Variants in ZAN observed in about 807,000 individuals in gnomAD.
ZAN encodes zonadhesin (gene/pseudogene).
ZAN carries 260 observed loss-of-function variants against 286.2 expected under a neutral mutation model. That is an observed-to-expected ratio of 0.91 (90% confidence interval 0.82 to 1.01). The LOEUF (loss-of-function observed/expected upper bound fraction) is 1.01. Ranked by LOEUF, ZAN falls within the 50% of genes least tolerant of loss-of-function variation. The probability of loss-of-function intolerance (pLI) is 0.00; values close to 1 mark genes in which losing one functional copy is unlikely to be tolerated. For missense variants in ZAN, 3,410 were observed against 3,639.2 expected (o/e 0.94, Z 1.62); for synonymous variants, 1,368 against 1,417.5 (o/e 0.97, Z 0.79).
intron 11 of ZAN, among the ~76,000 whole-genome samples, chr7:100,749,649 A>ATATAT (rs1305913115): frequency 8.0e-6 from 1 of 125,478 alleles, no homozygotes; most frequent in Non-Finnish European, 1.7e-5. Flanking sequence ...CAAAAAAAAA[A>ATATAT]AAATATATAT....
intron 7 of ZAN, among the ~76,000 whole-genome samples, chr7:100,738,879 C>G (rs4729608): frequency 7.1e-5 from 3 of 42,342 alleles, no homozygotes; most frequent in East Asian, 6.6e-4. Context: ...CTTCTTCTCC[C>G]TCTCCCTCTC....
intron 11 of ZAN, among the ~76,000 whole-genome samples, chr7:100,748,875 A>T (rs577886375): frequency 4.0e-4 from 60 of 150,998 alleles, no homozygotes; most frequent in Middle Eastern, 3.4e-3. Flanking sequence ...AGAAAAAAAA[A>T]TTTTTTTTTA....
Position 100,750,037 on chromosome 7 carries a change from C to T in ZAN, c.1250-588C>T, listed in dbSNP as rs190235462. 9.2e-3 allele frequency among the ~76,000 whole-genome samples: 1,094 copies of T among 119,550 alleles called. 18 individuals are homozygous for T. The highest frequency in any genetic ancestry group is 0.033 in the African/African-American group (1,046 of 31,440). 78.4% of individuals were successfully genotyped at this position (119,550 alleles called of 152,430 possible). On this transcript the variant is annotated intron_variant, in intron 11 of 47. Coordinates refer to ENST00000613979, the MANE Select transcript of ZAN (RefSeq NM_003386.3). ...CTGCACTCCAGCCTGGGCAACAGAGCGAGACTCCATCTCAAAAAAACAACA... is the reference window on the plus strand; with the variant it reads ...CTGCACTCCAGCCTGGGCAACAGAGTGAGACTCCATCTCAAAAAAACAACA...
chr7:100,765,448 G>T lies in ZAN; in HGVS notation c.4364G>T (p.Arg1455Leu), dbSNP rs377557641. 4 of 1,613,776 alleles carry T rather than the reference G, an allele frequency of 2.5e-6. No homozygotes were observed. The East Asian group carries it at 8.9e-5, about 36-fold the overall frequency. ...TTCTCCGGCATGTTCTGCTCAGACC[G>T]GTGCGTGGAGGCCTGTGAATGCAAT... ...SGFSGMFCSDRCVEACECNPG... is the reference protein window; with the variant it reads ...SGFSGMFCSDLCVEACECNPG... The change falls in exon 23 of 48, where the codon CGG becomes CTG. Residue 1455 changes from arginine (R) to leucine (L), a missense_variant. This residue lies in a region of ZAN where 1,042 missense variants were observed against 1,058.0 expected (regional missense o/e 0.98). Coordinates refer to ENST00000613979, the MANE Select transcript of ZAN (RefSeq NM_003386.3).
intron 12 of ZAN, 65 bp from the exon 13 acceptor site, chr7:100,751,117 A>C (rs1413618387): frequency 2.1e-6 from 3 of 1,415,466 alleles, no homozygotes; most frequent in Non-Finnish European, 2.9e-6. Context: ...TGCCCAGTGG[A>C]ATCACAGAGT....
In ZAN at chr7:100,752,119, A is replaced by G. The variant is rs1808731356; in HGVS notation, c.2014A>G (p.Met672Val). The change falls in exon 14 of 48, where the codon ATG (methionine) becomes GTG (valine). Residue 672 changes from methionine (M) to valine (V), a missense_variant. Coordinates refer to ENST00000613979, the MANE Select transcript of ZAN (RefSeq NM_003386.3). ...TTPTEETTTS[M>V]EEPVIPTEKP... ...CCCCACTGAGGAGACCACCACCTCC[A>G]TGGAAGAGCCTGTCATCCCTACAGA... 6.2e-7 allele frequency: 1 copy of G among 1,610,706 alleles called. No individual in the cohort carries two copies. Among genetic ancestry groups the G allele is most frequent in the Non-Finnish European group, 8.5e-7 (1 of 1,179,204 alleles).
chr7:100,767,874 G>C lies in ZAN; in HGVS notation c.4904G>C (p.Gly1635Ala). 1 of 1,613,954 alleles carries C rather than the reference G, an allele frequency of 6.2e-7. No homozygotes were observed. Among genetic ancestry groups the C allele is most frequent in the Non-Finnish European group, 8.5e-7 (1 of 1,179,880 alleles). ...GCCCTACCTGTGTGGCTTGCACAAG[G>C]CCGGGTGACCATAAGGCTCAGCAGC... ...RVALPVWLAQ[G>A]RVTIRLSSNL... The change falls in exon 26 of 48, where the codon GGC (glycine) becomes GCC (alanine). Residue 1635 changes from glycine (G) to alanine (A), a missense_variant. Physicochemically the swap from Gly to Ala is moderately conservative, Grantham distance 60. Coordinates refer to ENST00000613979, the MANE Select transcript of ZAN (RefSeq NM_003386.3).
Position 100,794,248 on chromosome 7 carries a change from C to A in ZAN, c.8115C>A (p.Gly2705=), listed in dbSNP as rs750397923. The A allele has an allele frequency of 2.5e-6, 4 of 1,603,352 alleles. No individual in the cohort carries two copies. In the African/African-American group the frequency reaches 5.4e-5, roughly 21 times the overall value. ...GCACCCTGGGGAACCACACCCAAGG[C>A]TGCTTTCCAGGTGAACCTGCACTCC... ...EVCTLGNHTQ[G]CFPESPCLQN... Residue 2705 remains glycine, a synonymous_variant, in exon 44 of 48, where the codon GGC becomes GGA. Coordinates refer to ENST00000613979, the MANE Select transcript of ZAN (RefSeq NM_003386.3).
At chr7:100,755,510 C>T in intron 15 of ZAN, 100 bp downstream of exon 15, 1 of 1,365,462 alleles carries the variant, frequency 7.3e-7, no homozygotes, top group Non-Finnish European at 1.0e-6. Context: ...ACAGGGATCA[C>T]CGGATAGTCC....
chr7:100,789,334 A>G lies in ZAN; in HGVS notation c.7344A>G (p.Gly2448=). Residue 2448 remains glycine, a synonymous_variant, in exon 39 of 48, where the codon GGA becomes GGG. Coordinates refer to ENST00000613979, the MANE Select transcript of ZAN (RefSeq NM_003386.3). ...TDFELVVSFG[G]RKNAVISLPS... is the part of the protein sequence containing the mutation. ...TTGAGCTGGTCGTCAGCTTTGGTGG[A>G]AGGAAAAATGCAGGTAATGGAGAGA... The G allele has an allele frequency of 6.2e-7, 1 of 1,613,598 alleles. No homozygotes were observed. The highest frequency in any genetic ancestry group is 8.5e-7 in the Non-Finnish European group (1 of 1,179,726).
At position 100,775,682 on chromosome 7, in the gene ZAN, A is replaced by AGGTCAC. The variant is rs1810723410; in HGVS notation, c.6042_6047dup (p.Val2015_Thr2016dup). ...CCTCCTGTTTAGATCAACAGCAAAC[A>AGGTCAC]GGTCACCCTCCCCGCCATCTCCCAG... On this transcript the variant is annotated inframe_insertion, in exon 33 of 48. Transcript: ENST00000613979. 1 of 1,613,786 alleles carries AGGTCAC rather than the reference A, an allele frequency of 6.2e-7. No homozygotes were observed. The highest frequency in any genetic ancestry group is 1.3e-5 in the African/African-American group (1 of 74,914).
chr7:100,795,065 C>A, intron 44 of ZAN, 131 bp from the exon 45 acceptor site: 3 of 1,193,944 alleles, frequency 2.5e-6, no homozygotes, highest in Non-Finnish European at 3.4e-6. Flanking sequence ...GGGAGCCAGG[C>A]TGGCTGACCC....
chr7:100,750,326 G>A (rs113006844), intron 11 of ZAN, among the ~76,000 whole-genome samples: 3 of 151,852 alleles, frequency 2.0e-5, no homozygotes, highest in South Asian at 2.1e-4. Context: ...TAGTGGAGAC[G>A]GGGTTTCACC....
At chr7:100,780,193 C>CA (rs920237460) in intron 35 of ZAN, among the ~76,000 whole-genome samples, 306 of 122,814 alleles carry the variant, frequency 2.5e-3, no homozygotes, top group East Asian at 7.9e-3. Context: ...CACTCCATCT[C>CA]AAAAAAAAAA....
chr7:100,747,484 GTA>G (rs1334069656), intron 8 of ZAN, 64 bp from the exon 9 acceptor site: 1 of 1,358,344 alleles, frequency 7.4e-7, no homozygotes, highest in African/African-American at 1.4e-5. Flanking sequence ...ATCCTCCTAG[GTA>G]TAGTTCAAAG....
In ZAN at chr7:100,746,440, T is replaced by C. The variant is rs953786358; in HGVS notation, c.767-98T>C. 1.3e-5 allele frequency: 19 copies of C among 1,445,672 alleles called. No individual in the cohort carries two copies. In the African/African-American group the frequency reaches 2.6e-4, roughly 19 times the overall value. 89.6% of individuals were successfully genotyped at this position (1,445,672 alleles called of 1,614,324 possible). A position where few individuals can be genotyped will look rare whatever the true frequency, so the allele number is the denominator to read the frequency against. Reference sequence around the variant, plus strand: ...CCTGATTCTAGGCTGCTGTTGGGGATCCCCAGAGACAAGTCCACAGCCTCC... The same window carrying C: ...CCTGATTCTAGGCTGCTGTTGGGGACCCCCAGAGACAAGTCCACAGCCTCC... On this transcript the variant is annotated intron_variant, in intron 7 of 47. Coordinates refer to ENST00000613979, the MANE Select transcript of ZAN (RefSeq NM_003386.3).
At position 100,775,458 on chromosome 7, in the gene ZAN, C is replaced by G. The variant is rs773906050; in HGVS notation, c.5910C>G (p.Phe1970Leu). The G allele has an allele frequency of 5.0e-6, 8 of 1,613,996 alleles. No homozygotes were observed. The highest frequency in any genetic ancestry group is 6.8e-6 in the Non-Finnish European group (8 of 1,179,898). Reference protein sequence around the residue: ...VCHPAMALPFFKISAKHEKEE... With the variant: ...VCHPAMALPFLKISAKHEKEE... ...ACCCCGCCATGGCCTTGCCCTTCTT[C>G]AAGATCAGTGCCAAGCATGAGAAGG... Residue 1970 changes from phenylalanine to leucine, a missense_variant, in exon 32 of 48, where the codon TTC (phenylalanine) becomes TTG (leucine). Coordinates refer to ENST00000613979, the MANE Select transcript of ZAN (RefSeq NM_003386.3).
At position 100,752,086 on chromosome 7, in the gene ZAN, C is replaced by T; in HGVS notation, c.1981C>T (p.Pro661Ser). 3 of 1,611,962 alleles carry T rather than the reference C, an allele frequency of 1.9e-6. No individual in the cohort carries two copies. The highest frequency in any genetic ancestry group is 1.1e-5 in the South Asian group (1 of 90,962). ...AAAACCCACCGTCCCCACAGAAGAG[C>T]CCACCACCCCCACTGAGGAGACCAC... ...TEKPTVPTEE[P>S]TTPTEETTTS... Residue 661 changes from proline to serine, a missense_variant, in exon 14 of 48, where the codon CCC becomes TCC. This residue lies in a region of ZAN where 872 missense variants were observed against 938.9 expected (regional missense o/e 0.93). Transcript: ENST00000613979.
At chr7:100,764,315 C>T in intron 22 of ZAN, 119 bp downstream of exon 22, 2 of 1,249,716 alleles carry the variant, frequency 1.6e-6, no homozygotes, top group South Asian at 3.3e-5. Context: ...CCAGCCTGGC[C>T]AACACCCCGT....
Sources: gnomAD v4.1 joint callset for allele counts (sites outside exome capture counted in the v4.1 genomes callset) on GRCh38, gnomAD v4.1.1 for gene constraint, gnomAD v4.1.1 regional missense constraint, MANE v1.5 for transcripts, NCBI Gene and HGNC (gene_info 2026-07-23, HGNC 2026-07-21) for gene names.